Variants in RNF111 observed in about 807,000 individuals in gnomAD.
RNF111 encodes the protein E3 ubiquitin-protein ligase Arkadia.
Under a neutral mutation model 95.1 loss-of-function variants are expected in RNF111, and 17 were observed. The ratio of observed to expected loss-of-function variants is 0.18; its 90% confidence interval spans 0.12 to 0.27. RNF111 has a LOEUF of 0.27. Among genes scored for constraint, RNF111 ranks in the 10% least tolerant of loss-of-function variants. The pLI is 1.00. For synonymous variants in RNF111, 440 were observed against 414.8 expected (o/e 1.06, Z -0.74); for missense variants, 1,189 against 1,210.4 (o/e 0.98, Z 0.26).
Position 59,095,564 on chromosome 15 carries a change from G to A in RNF111, c.*664G>A, listed in dbSNP as rs1194625589. On this transcript the variant is annotated 3_prime_UTR_variant, in exon 14 of 14. Coordinates refer to ENST00000348370, the MANE Select transcript of RNF111 (RefSeq NM_017610.8). ...TTTCCTTTCAACACAGTGCAGATAA[G>A]AGTTGAATATTGATATCATACATTT... 1 of 153,788 alleles carries A rather than the reference G, an allele frequency of 6.5e-6. No individual in the cohort carries two copies. Among genetic ancestry groups the A allele is most frequent in the Admixed American group, 6.5e-5 (1 of 15,296 alleles). The allele number at this position is 153,788 out of a possible 1,614,324, so 9.5% of individuals were successfully genotyped here. A position where few individuals can be genotyped will look rare whatever the true frequency, so the allele number is the denominator to read the frequency against.
rs141645921 is a variant in RNF111, at chr15:59,055,708, G to C, written c.1034G>C (p.Arg345Thr). The change falls in exon 4 of 14, where the codon AGA (arginine) becomes ACA (threonine). Residue 345 changes from arginine (R) to threonine (T), a missense_variant. By Grantham distance (71) the Arg-to-Thr change is moderately conservative. Coordinates refer to ENST00000348370, the MANE Select transcript of RNF111 (RefSeq NM_017610.8). ...YRSRSTLGHS[R>T]SHWSQGSSSH... is the part of the protein sequence containing the mutation. ...TCTCGTTCAACCCTTGGACACTCCAGATCTCATTGGAGCCAGGGTTCCAGT... is the reference window on the plus strand; with the variant it reads ...TCTCGTTCAACCCTTGGACACTCCACATCTCATTGGAGCCAGGGTTCCAGT... 6.2e-7 allele frequency: 1 copy of C among 1,613,816 alleles called. No homozygotes were observed. The highest frequency in any genetic ancestry group is 8.5e-7 in the Non-Finnish European group (1 of 1,179,858).
At chr15:59,000,901 A>C (rs1351501939) in intron 1 of RNF111, among the ~76,000 whole-genome samples, 8 of 152,200 alleles carry the variant, frequency 5.3e-5, no homozygotes, top group Non-Finnish European at 7.3e-5. Flanking sequence ...GTAGTGATCA[A>C]AACGAAATCT....
chr15:58,992,026 G>T (rs2038838742), intron 1 of RNF111, among the ~76,000 whole-genome samples: 2 of 152,014 alleles, frequency 1.3e-5, no homozygotes, highest in South Asian at 4.1e-4. Flanking sequence ...GAGAAAACTT[G>T]CAAATGTCTG....
At chr15:59,090,770 A>G (rs2079031029) in intron 11 of RNF111, among the ~76,000 whole-genome samples, 1 of 152,202 alleles carries the variant, frequency 6.6e-6, no homozygotes, top group South Asian at 2.1e-4. Context: ...TCTATGAGAA[A>G]CATTAAGTCA....
intron 6 of RNF111, among the ~76,000 whole-genome samples, chr15:59,072,984 C>T (rs1330315436): frequency 6.6e-6 from 1 of 151,640 alleles, no homozygotes; most frequent in African/African-American, 2.4e-5. Flanking sequence ...CCAGTCTGGG[C>T]AACATGGCAA....
chr15:59,024,413 A>C (rs1489918477), intron 1 of RNF111, among the ~76,000 whole-genome samples: 1 of 152,148 alleles, frequency 6.6e-6, no homozygotes, highest in Non-Finnish European at 1.5e-5. Flanking sequence ...CTTGGAACTT[A>C]TATTCTACTG....
intron 2 of RNF111, among the ~76,000 whole-genome samples, chr15:59,046,242 G>A (rs948023039): frequency 3.5e-4 from 53 of 150,620 alleles, no homozygotes; most frequent in African/African-American, 1.3e-3. Flanking sequence ...TGCCCAGGCT[G>A]GACTGCAGTG....
intron 1 of RNF111, among the ~76,000 whole-genome samples, chr15:59,024,084 A>G (rs1427887886): frequency 6.6e-6 from 1 of 152,154 alleles, no homozygotes; most frequent in East Asian, 1.9e-4. Flanking sequence ...CCCCAGTTAT[A>G]TGGTAAATAT....
chr15:59,073,559 C>T (rs942139399), intron 6 of RNF111, among the ~76,000 whole-genome samples: 23 of 152,118 alleles, frequency 1.5e-4, no homozygotes, highest in African/African-American at 3.4e-4. Flanking sequence ...TCAGGATTTA[C>T]GGCAATTCAA....
At chr15:59,019,168 G>T (rs1489074022) in intron 1 of RNF111, among the ~76,000 whole-genome samples, 4 of 150,264 alleles carry the variant, frequency 2.7e-5, no homozygotes, top group Non-Finnish European at 5.9e-5. Context: ...TGAACCCCTG[G>T]GCTCAAGTGA....
chr15:59,054,911 A>G (rs1204648363), intron 3 of RNF111, among the ~76,000 whole-genome samples: 1 of 152,112 alleles, frequency 6.6e-6, no homozygotes, highest in African/African-American at 2.4e-5. Flanking sequence ...TAAAAGATTT[A>G]TTTTTTTATC....
In RNF111 at chr15:59,056,670, C is replaced by A. The variant is rs571758693; in HGVS notation, c.1171+825C>A. Among the ~76,000 whole-genome samples the A allele has an allele frequency of 2.0e-5, 3 of 152,234 alleles. No homozygotes were observed. In the South Asian group the frequency reaches 6.2e-4, roughly 32 times the overall value. On this transcript the variant is annotated intron_variant, in intron 4 of 13. Coordinates refer to ENST00000348370, the MANE Select transcript of RNF111 (RefSeq NM_017610.8). ...TTGCAGTTTGGGTGGTCATAACTTTCAGAGTATCAGTACCCAGTTGTTTAT... is the reference window on the plus strand; with the variant it reads ...TTGCAGTTTGGGTGGTCATAACTTTAAGAGTATCAGTACCCAGTTGTTTAT...
intron 7 of RNF111, among the ~76,000 whole-genome samples, chr15:59,076,445 A>G (rs1389549231): frequency 6.6e-6 from 1 of 152,216 alleles, no homozygotes; most frequent in African/African-American, 2.4e-5. Flanking sequence ...GTGAAAGTTG[A>G]GTAGTATTTC....
At chr15:58,989,099 G>A (rs746926080) in intron 1 of RNF111, among the ~76,000 whole-genome samples, 1 of 152,074 alleles carries the variant, frequency 6.6e-6, no homozygotes, top group Non-Finnish European at 1.5e-5. Flanking sequence ...GTGATTTTGA[G>A]ATTACCATAC....
rs193009432 is a variant in RNF111 at position 59,046,952 on chromosome 15, C to T, written c.881-5353C>T. 7.2e-5 allele frequency among the ~76,000 whole-genome samples: 11 copies of T among 152,092 alleles called. No homozygotes were observed. In the East Asian group the frequency reaches 7.8e-4, roughly 11 times the overall value. Reference sequence around the variant, plus strand: ...GCACAGTCTCGGCTCACTGCAGACTCGGCCCCCTGGTTTCAAGTGATCCTA... The same window carrying T: ...GCACAGTCTCGGCTCACTGCAGACTTGGCCCCCTGGTTTCAAGTGATCCTA... On this transcript the variant is annotated intron_variant, in intron 2 of 13. Transcript: ENST00000348370.
intron 2 of RNF111, among the ~76,000 whole-genome samples, chr15:59,039,260 G>A (rs1007756681): frequency 1.2e-4 from 18 of 151,990 alleles, no homozygotes; most frequent in Non-Finnish European, 2.2e-4. Flanking sequence ...CACCACTCCC[G>A]GCCTTGATAT....
intron 1 of RNF111, among the ~76,000 whole-genome samples, chr15:59,013,148 G>A (rs1331788490): frequency 1.3e-5 from 2 of 152,120 alleles, no homozygotes; most frequent in African/African-American, 2.4e-5. Flanking sequence ...CCTTTCCTAG[G>A]GATCAGGGGA....
At chr15:59,011,730 A>G (rs1011087260) in intron 1 of RNF111, among the ~76,000 whole-genome samples, 5 of 152,160 alleles carry the variant, frequency 3.3e-5, no homozygotes, top group African/African-American at 1.2e-4. Flanking sequence ...ACCCATTCAT[A>G]TGACTTCATC....
intron 1 of RNF111, among the ~76,000 whole-genome samples, chr15:58,995,731 T>A (rs1023022119): frequency 6.6e-6 from 1 of 150,828 alleles, no homozygotes; most frequent in Admixed American, 6.6e-5. Flanking sequence ...CCCAAAGTGC[T>A]GGGATTACAG....
Sources: gnomAD v4.1 joint callset for allele counts (sites outside exome capture counted in the v4.1 genomes callset) on GRCh38, gnomAD v4.1.1 for gene constraint, MANE v1.5 for transcripts, NCBI Gene and HGNC (gene_info 2026-07-23, HGNC 2026-07-21) for gene names.